Variants in KIRREL3 observed in about 807,000 individuals in gnomAD.
The protein encoded by KIRREL3 is kirre like nephrin family adhesion molecule 3, also known as kin of IRRE-like protein 3.
In KIRREL3, 36 loss-of-function variants were observed where a neutral mutation model predicts 89.7. That is an observed-to-expected ratio of 0.40 (90% CI 0.31 to 0.53). KIRREL3 has a LOEUF of 0.53. Among genes scored for constraint, KIRREL3 ranks in the 20% least tolerant of loss-of-function variants. KIRREL3 has a pLI of 0.49. For missense variants in KIRREL3, 864 were observed against 1,056.6 expected, an observed-to-expected ratio of 0.82 and a Z score of 2.53; for synonymous variants, 445 against 441.4, an observed-to-expected ratio of 1.01 and a Z score of -0.10.
At position 126,424,822 on chromosome 11, in the gene KIRREL3, T is replaced by C. The variant is rs755688410; in HGVS notation, c.2095A>G (p.Met699Val). The C allele has an allele frequency of 9.9e-6, 16 of 1,614,026 alleles. No homozygotes were observed. In the Admixed American group the frequency reaches 1.3e-4, roughly 13 times the overall value. ...YDYGQRFVLG[M>V]GSSSIELCER... ...CAAAGCTCGATGGACGAGCTGCCCATGCCCAGCACAAACCGCTGCCCGTAG... is the reference window on the plus strand; with the variant it reads ...CAAAGCTCGATGGACGAGCTGCCCACGCCCAGCACAAACCGCTGCCCGTAG... Residue 699 changes from methionine to valine, a missense_variant, in exon 17 of 17, where the codon ATG becomes GTG. Transcript: ENST00000525144.
intron 1 of KIRREL3, among the ~76,000 whole-genome samples, chr11:126,567,497 A>G (rs2134607604): frequency 6.6e-6 from 1 of 152,326 alleles, no homozygotes; most frequent in East Asian, 1.9e-4. Flanking sequence ...GCCCTAGCAA[A>G]TGAATATAGA....
chr11:126,463,069 A>C lies in KIRREL3; in HGVS notation c.742+88T>G. The C allele has an allele frequency of 7.6e-7, 1 of 1,312,862 alleles. No homozygotes were observed. The highest frequency in any genetic ancestry group is 1.4e-5 in the African/African-American group (1 of 69,186). The allele number at this position is 1,312,862 out of a possible 1,614,324, so 81.3% of individuals were successfully genotyped here. A position where few individuals can be genotyped will look rare whatever the true frequency, so the allele number is the denominator to read the frequency against. ...AGAGCTGCCTGACCCATTTCCTGCT[A>C]TCAGATGGGCCAGGCTATGGTCAGG... On this transcript the variant is annotated intron_variant, in intron 6 of 16. Coordinates refer to ENST00000525144, the MANE Select transcript of KIRREL3 (RefSeq NM_032531.4). This position sits in a 1 kb window ranked among gnomAD's most constrained non-coding sequence, Gnocchi z 5.9.
rs979749769 is a variant in KIRREL3 at position 126,640,357 on chromosome 11, C to T, written c.56-77445G>A. On this transcript the variant is annotated intron_variant, in intron 1 of 16. Coordinates refer to ENST00000525144, the MANE Select transcript of KIRREL3 (RefSeq NM_032531.4). The surrounding 1 kb of genome is among the most constrained non-coding windows in gnomAD (Gnocchi z 4.9). The stretch of plus-strand genomic sequence containing the variant: ...CAACACACACACAGACGCGCGTGTG[C>T]GCGCGCACACACACGCACACGCGCA... Among the ~76,000 whole-genome samples, 6 of 152,094 alleles carry T rather than the reference C, an allele frequency of 3.9e-5. No homozygotes were observed. The South Asian group carries it at 8.3e-4, about 21-fold the overall frequency.
At chr11:126,914,815 C>T (rs1475512242) in intron 1 of KIRREL3, among the ~76,000 whole-genome samples, 1 of 152,248 alleles carries the variant, frequency 6.6e-6, no homozygotes, top group Non-Finnish European at 1.5e-5. Flanking sequence ...ATTATGACAG[C>T]TTGGAAATTT....
In KIRREL3 at chr11:126,996,401, C is replaced by T. The variant is rs758298871; in HGVS notation, c.55+4054G>A. Among the ~76,000 whole-genome samples the T allele has an allele frequency of 2.7e-4, 41 of 152,192 alleles. No individual in the cohort carries two copies. The highest frequency in any genetic ancestry group is 9.7e-4 in the African/African-American group (40 of 41,442). ...GCTGATTCCTTCTCTGCCTGTACCC[C>T]CTATGATCCCTCCATTCTTTAGGCC... is the stretch of plus-strand genomic sequence containing the variant. On this transcript the variant is annotated intron_variant, in intron 1 of 16. Transcript: ENST00000525144. The surrounding 1 kb of genome is among the most constrained non-coding windows in gnomAD (Gnocchi z 4.7).
rs1947028090 is a variant in KIRREL3 at position 126,694,941 on chromosome 11, T to C, written c.56-132029A>G. Among the ~76,000 whole-genome samples, 1 of 152,182 alleles carries C rather than the reference T, an allele frequency of 6.6e-6. No homozygotes were observed. On this transcript the variant is annotated intron_variant, in intron 1 of 16. Transcript: ENST00000525144. The surrounding 1 kb of genome is among the most constrained non-coding windows in gnomAD (Gnocchi z 4.4). ...AGGCTCCCTCACTCCTTTGCTTTGATTGGGAGATGAGATGCGAGTCTCAAT... is the reference window on the plus strand; with the variant it reads ...AGGCTCCCTCACTCCTTTGCTTTGACTGGGAGATGAGATGCGAGTCTCAAT...
chr11:126,902,231 G>C (rs1372830952), intron 1 of KIRREL3, among the ~76,000 whole-genome samples: 2 of 152,208 alleles, frequency 1.3e-5, no homozygotes, highest in African/African-American at 4.8e-5. Flanking sequence ...ATGCTGGCAA[G>C]GAAATACCCA....
intron 1 of KIRREL3, among the ~76,000 whole-genome samples, chr11:126,998,829 G>C (rs112654815): frequency 4.6e-5 from 7 of 152,040 alleles, no homozygotes; most frequent in Non-Finnish European, 7.4e-5. Context: ...GTGTGTTTAC[G>C]GGGGGTTGGT....
At chr11:126,871,035 C>T (rs116255579) in intron 1 of KIRREL3, among the ~76,000 whole-genome samples, 1 of 152,302 alleles carries the variant, frequency 6.6e-6, no homozygotes, top group African/African-American at 2.4e-5. Context: ...CAGGAGCAGA[C>T]ATCAAGAGCA....
chr11:126,606,436 A>C lies in KIRREL3; in HGVS notation c.56-43524T>G, dbSNP rs1942891993. 6.6e-6 allele frequency among the ~76,000 whole-genome samples: 1 copy of C among 152,194 alleles called. No individual in the cohort carries two copies. The highest frequency in any genetic ancestry group is 1.5e-5 in the Non-Finnish European group (1 of 68,034). On this transcript the variant is annotated intron_variant, in intron 1 of 16. Coordinates refer to ENST00000525144, the MANE Select transcript of KIRREL3 (RefSeq NM_032531.4). The surrounding 1 kb of genome is among the most constrained non-coding windows in gnomAD (Gnocchi z 4.6). ...GGAGTGAGCAGATTATGACATGTAC[A>C]TCCTTTGGAACACAGACCCAATAAA...
At chr11:126,882,332 C>T (rs1379843723) in intron 1 of KIRREL3, among the ~76,000 whole-genome samples, 1 of 152,180 alleles carries the variant, frequency 6.6e-6, no homozygotes, top group Non-Finnish European at 1.5e-5. Flanking sequence ...TGCAGCAGGG[C>T]AGAAGAATGG....
At position 126,587,126 on chromosome 11, in the gene KIRREL3, C is replaced by T. The variant is rs1941902333; in HGVS notation, c.56-24214G>A. Among the ~76,000 whole-genome samples, 1 of 152,086 alleles carries T rather than the reference C, an allele frequency of 6.6e-6. No individual in the cohort carries two copies. Among genetic ancestry groups the T allele is most frequent in the Admixed American group, 6.5e-5 (1 of 15,280 alleles). ...TGCTCCAGTGGAAGAGTCCAGAGCA[C>T]CGGGATGATGTGTAGGGAGAGCCAC... On this transcript the variant is annotated intron_variant, in intron 1 of 16. Coordinates refer to ENST00000525144, the MANE Select transcript of KIRREL3 (RefSeq NM_032531.4). This position sits in a 1 kb window ranked among gnomAD's most constrained non-coding sequence, Gnocchi z 5.2.
intron 1 of KIRREL3, among the ~76,000 whole-genome samples, chr11:126,678,483 C>T (rs1946297815): frequency 6.6e-6 from 1 of 151,204 alleles, no homozygotes; most frequent in Admixed American, 6.6e-5. Context: ...GCCTGTAGTC[C>T]CAGCTACTCA....
rs1943014160 is a variant in KIRREL3, at chr11:126,609,131, C to T, written c.56-46219G>A. ...GAATTGAGGAGCACTGCAGCGAGAC[C>T]TGACCACCGCCCAGCCCAGGTTGGG... On this transcript the variant is annotated intron_variant, in intron 1 of 16. Transcript: ENST00000525144. This position sits in a 1 kb window ranked among gnomAD's most constrained non-coding sequence, Gnocchi z 5.0. 6.6e-6 allele frequency among the ~76,000 whole-genome samples: 1 copy of T among 152,164 alleles called. No individual in the cohort carries two copies. The highest frequency in any genetic ancestry group is 6.5e-5 in the Admixed American group (1 of 15,282).
At chr11:126,725,866 T>C (rs1489434757) in intron 1 of KIRREL3, among the ~76,000 whole-genome samples, 1 of 152,228 alleles carries the variant, frequency 6.6e-6, no homozygotes, top group East Asian at 1.9e-4. Flanking sequence ...TCGCTGAGTC[T>C]CAGTTTCCTT....
rs527827804 is a variant in KIRREL3 at position 126,943,314 on chromosome 11, G to A, written c.55+57141C>T. On this transcript the variant is annotated intron_variant, in intron 1 of 16. Coordinates refer to ENST00000525144, the MANE Select transcript of KIRREL3 (RefSeq NM_032531.4). The surrounding 1 kb of genome is among the most constrained non-coding windows in gnomAD (Gnocchi z 4.2). ...AGCCCTGTTCCAGGGAGGAGTGGAG[G>A]GAGACTCCATCTCCACCACGGAACG... Among the ~76,000 whole-genome samples, 13 of 152,152 alleles carry A rather than the reference G, an allele frequency of 8.5e-5. No individual in the cohort carries two copies. Among genetic ancestry groups the A allele is most frequent in the Non-Finnish European group, 1.6e-4 (11 of 68,008 alleles).
chr11:126,916,394 C>A (rs1205320736), intron 1 of KIRREL3, among the ~76,000 whole-genome samples: 1 of 152,164 alleles, frequency 6.6e-6, no homozygotes, highest in African/African-American at 2.4e-5. Flanking sequence ...GGTGGGCCGC[C>A]AGAATCTGCA....
At position 126,842,097 on chromosome 11, in the gene KIRREL3, G is replaced by A. The variant is rs967489831; in HGVS notation, c.55+158358C>T. On this transcript the variant is annotated intron_variant, in intron 1 of 16. Coordinates refer to ENST00000525144, the MANE Select transcript of KIRREL3 (RefSeq NM_032531.4). The stretch of plus-strand genomic sequence containing the variant: ...GAGGCACGGCAGAGGAGAGAAGAGA[G>A]CGCTTTCAGAGGAGGTGGTGAGGAG... 3.8e-4 allele frequency among the ~76,000 whole-genome samples: 58 copies of A among 152,080 alleles called. 1 individual carries two copies. The highest frequency in any genetic ancestry group is 8.9e-4 in the African/African-American group (37 of 41,404).
chr11:126,773,514 C>G lies in KIRREL3; in HGVS notation c.56-210602G>C, dbSNP rs181014135. 6.6e-6 allele frequency among the ~76,000 whole-genome samples: 1 copy of G among 152,214 alleles called. No homozygotes were observed. Among genetic ancestry groups the G allele is most frequent in the Non-Finnish European group, 1.5e-5 (1 of 68,046 alleles). On this transcript the variant is annotated intron_variant, in intron 1 of 16. Coordinates refer to ENST00000525144, the MANE Select transcript of KIRREL3 (RefSeq NM_032531.4). The surrounding 1 kb of genome is among the most constrained non-coding windows in gnomAD (Gnocchi z 4.2). ...AATAAATCTGTCTTTCTCTATATAT[C>G]GCTTCCTGTTGGTTCTGTTTCTCTG...
Sources: gnomAD v4.1 joint callset for allele counts (sites outside exome capture counted in the v4.1 genomes callset) on GRCh38, gnomAD v4.1.1 for gene constraint, Gnocchi (gnomAD v3.1) non-coding constraint, MANE v1.5 for transcripts, NCBI Gene and HGNC (gene_info 2026-07-23, HGNC 2026-07-21) for gene names.